SERPINB8: variants seen among roughly 807,000 people sequenced by gnomAD.
SERPINB8 encodes the protein serpin family B member 8.
Under a neutral mutation model 35.3 loss-of-function variants are expected in SERPINB8, and 25 were observed. The ratio of observed to expected loss-of-function variants is 0.71; its 90% CI spans 0.52 to 0.99. The LOEUF is 0.99. SERPINB8 is among the 50% of genes least tolerant of loss of function. The pLI is 0.00. For synonymous variants in SERPINB8, 186 were observed against 160.8 expected (o/e 1.16, Z -1.19); for missense variants, 484 against 446.5 (o/e 1.08, Z -0.76).
chr18:64,006,308 T>G (rs531051242), downstream of SERPINB8, among the ~76,000 whole-genome samples: 76 of 152,204 alleles, frequency 5.0e-4, no homozygotes, highest in Non-Finnish European at 1.0e-3. Flanking sequence ...ATTGAATGTT[T>G]TTGTTTCAAA....
chr18:64,003,563 G>T (rs2050886348), intron 1 of SERPINB8, among the ~76,000 whole-genome samples: 1 of 148,368 alleles, frequency 6.7e-6, no homozygotes. Flanking sequence ...GTGTGTATTT[G>T]TTATGAGAAA....
intron 1 of SERPINB8, among the ~76,000 whole-genome samples, chr18:64,004,296 G>A (rs1265904389): frequency 4.6e-5 from 7 of 152,104 alleles, no homozygotes; most frequent in Non-Finnish European, 1.0e-4. Context: ...TATTTGCTTA[G>A]CATGGCTAAC....
At chr18:63,996,362 A>G (rs2050849303) in intron 1 of SERPINB8, among the ~76,000 whole-genome samples, 1 of 152,138 alleles carries the variant, frequency 6.6e-6, no homozygotes, top group Non-Finnish European at 1.5e-5. Flanking sequence ...CATTCTTTGC[A>G]TTGGCAGTAT....
At chr18:63,999,333 G>A (rs2050863918) in intron 1 of SERPINB8, among the ~76,000 whole-genome samples, 2 of 152,166 alleles carry the variant, frequency 1.3e-5, no homozygotes, top group South Asian at 4.1e-4. Context: ...GGAGCTTTCT[G>A]GCATCTCAGG....
At position 63,985,140 on chromosome 18, in the gene SERPINB8, G is replaced by A. The variant is rs201339325; in HGVS notation, c.615G>A (p.Met205Ile). The A allele has an allele frequency of 1.7e-5, 27 of 1,614,186 alleles. No individual in the cohort carries two copies. Among genetic ancestry groups the A allele is most frequent in the Middle Eastern group, 3.3e-4 (2 of 6,062 alleles). Residue 205 changes from methionine to isoleucine, a missense_variant, in exon 6 of 7, where the codon ATG (methionine) becomes ATA (isoleucine). Coordinates refer to ENST00000397985, the MANE Select transcript of SERPINB8 (RefSeq NM_002640.4). ...QMMFKEAKFK[M>I]GYADEVHTQV... Reference sequence around the variant, plus strand: ...TGTTTAAGGAAGCTAAGTTTAAAATGGGGTATGCGGATGAGGTACACACCC... The same window carrying A: ...TGTTTAAGGAAGCTAAGTTTAAAATAGGGTATGCGGATGAGGTACACACCC...
At chr18:63,991,824 T>A (rs749172348), downstream of SERPINB8, among the ~76,000 whole-genome samples, 1 of 152,194 alleles carries the variant, frequency 6.6e-6, no homozygotes, top group Non-Finnish European at 1.5e-5. Context: ...CTTTAACAGG[T>A]GAAGAAGGTC....
At chr18:64,003,972 A>G (rs1432223567) in intron 1 of SERPINB8, among the ~76,000 whole-genome samples, 1 of 152,216 alleles carries the variant, frequency 6.6e-6, no homozygotes, top group East Asian at 1.9e-4. Context: ...AACAGAATTA[A>G]CCATTGCACA....
chr18:63,991,800 T>C (rs2144833570), downstream of SERPINB8, among the ~76,000 whole-genome samples: 1 of 152,326 alleles, frequency 6.6e-6, no homozygotes, highest in South Asian at 2.1e-4. Flanking sequence ...AGCTGTAGGC[T>C]TTTCATAGGT....
At chr18:64,001,832 C>G (rs1316558136) in intron 1 of SERPINB8, among the ~76,000 whole-genome samples, 5 of 152,188 alleles carry the variant, frequency 3.3e-5, no homozygotes, top group African/African-American at 1.2e-4. Flanking sequence ...TTGCCCCACC[C>G]TAATCCAGGC....
intron 6 of SERPINB8, chr18:63,986,396 A>G: frequency 6.5e-7 from 1 of 1,542,648 alleles, no homozygotes; most frequent in East Asian, 2.3e-5. Flanking sequence ...TCTTCAGATG[A>G]AACACAATTC....
chr18:64,008,244 T>C (rs2050909378), downstream of SERPINB8, among the ~76,000 whole-genome samples: 1 of 151,954 alleles, frequency 6.6e-6, no homozygotes, highest in Non-Finnish European at 1.5e-5. Context: ...GGATTTCCAG[T>C]ACCTTTTTAT....
intron 1 of SERPINB8, among the ~76,000 whole-genome samples, chr18:63,998,450 C>T (rs1053277867): frequency 6.6e-6 from 1 of 152,104 alleles, no homozygotes. Context: ...CAGCAATGAT[C>T]GCATATTTTA....
At chr18:64,006,849 G>A (rs2050902246), downstream of SERPINB8, among the ~76,000 whole-genome samples, 2 of 152,048 alleles carry the variant, frequency 1.3e-5, no homozygotes, top group African/African-American at 4.8e-5. Context: ...GGAACTTCAT[G>A]GGAATTTGTA....
intron 1 of SERPINB8, among the ~76,000 whole-genome samples, chr18:63,997,400 C>T (rs887133479): frequency 6.6e-6 from 1 of 152,176 alleles, no homozygotes; most frequent in African/African-American, 2.4e-5. Context: ...AACTCAATGG[C>T]AAGGACTCAG....
At chr18:63,996,530 A>G (rs2050850280) in intron 1 of SERPINB8, among the ~76,000 whole-genome samples, 1 of 152,134 alleles carries the variant, frequency 6.6e-6, no homozygotes, top group African/African-American at 2.4e-5. Flanking sequence ...GTCCTTTCAC[A>G]AAGTGACCTA....
At chr18:63,976,553 A>G (rs2050584939) in intron 1 of SERPINB8, among the ~76,000 whole-genome samples, 1 of 152,212 alleles carries the variant, frequency 6.6e-6, no homozygotes, top group African/African-American at 2.4e-5. Context: ...AAGCTTTTTT[A>G]AAAGATTTAC....
chr18:63,999,671 T>A (rs1040560614), intron 1 of SERPINB8, among the ~76,000 whole-genome samples: 1 of 152,216 alleles, frequency 6.6e-6, no homozygotes, highest in Non-Finnish European at 1.5e-5. Context: ...GTATTCTTTC[T>A]TTTCTAAACA....
In SERPINB8 at chr18:63,988,900, C is replaced by G; in HGVS notation, c.*1622C>G. On this transcript the variant is annotated 3_prime_UTR_variant, in exon 7 of 7. Coordinates refer to ENST00000397985, the MANE Select transcript of SERPINB8 (RefSeq NM_002640.4). Reference sequence around the variant, plus strand: ...TTTAATTGACACAGAATACATTTCACATATTTAACCTCTACAATAAGTTCT... The same window carrying G: ...TTTAATTGACACAGAATACATTTCAGATATTTAACCTCTACAATAAGTTCT... 1 of 152,222 alleles carries G rather than the reference C, an allele frequency of 6.6e-6. No individual in the cohort carries two copies. Among genetic ancestry groups the G allele is most frequent in the Non-Finnish European group, 1.5e-5 (1 of 68,046 alleles). The allele number at this position is 152,222 out of a possible 1,614,324, so 9.4% of individuals were successfully genotyped here.
rs61161137 is a variant in SERPINB8 at position 64,003,519 on chromosome 18, ATGTGTGTGTGTGTG to A, written c.71-1274_71-1261del. On this transcript the variant is annotated intron_variant, in intron 1 of 1. Transcript: ENST00000493661. Reference sequence around the variant, plus strand: ...AACTCCATTGGATATTGAGGGACAAATGTGTGTGTGTGTGTGTGTGTGTGTGTGTGTGTGTGTGT... The same window carrying A: ...AACTCCATTGGATATTGAGGGACAAATGTGTGTGTGTGTGTGTGTGTGTGT... Among the ~76,000 whole-genome samples, 224 of 148,162 alleles carry A rather than the reference ATGTGTGTGTGTGTG, an allele frequency of 1.5e-3. 2 individuals are homozygous for A. In the East Asian group the frequency reaches 0.033, roughly 22 times the overall value.
Sources: allele counts gnomAD v4.1 joint callset (sites outside exome capture counted in the v4.1 genomes callset), GRCh38; gene constraint gnomAD v4.1.1; transcripts MANE v1.5; gene names NCBI Gene and HGNC (gene_info 2026-07-23, HGNC 2026-07-21).